DDHD1: variants seen among roughly 807,000 people sequenced by gnomAD.
The protein encoded by DDHD1 is DDHD domain containing 1, also known as phospholipase DDHD1.
In DDHD1, 49 loss-of-function variants were observed where a neutral mutation model predicts 96.4. The observed-to-expected ratio is 0.51, with a 90% CI of 0.40 to 0.64. The LOEUF (loss-of-function observed/expected upper bound fraction) is 0.64, where lower values mean the gene tolerates loss of function less well. Among genes scored for constraint, DDHD1 ranks in the 30% least tolerant of loss-of-function variants. The pLI is 0.00. For missense variants in DDHD1, 1,106 were observed against 1,161.2 expected, an observed-to-expected ratio of 0.95 and a Z score of 0.69; for synonymous variants, 442 against 446.5, an observed-to-expected ratio of 0.99 and a Z score of 0.13.
intron 1 of DDHD1, among the ~76,000 whole-genome samples, chr14:53,112,735 A>G (rs1358778043): frequency 2.6e-5 from 4 of 152,164 alleles, no homozygotes; most frequent in Admixed American, 2.6e-4. Flanking sequence ...TCTTTACAGC[A>G]TCTATCATCT....
rs772305129 is a variant in DDHD1 at position 53,046,425 on chromosome 14, TTAATACA to T, written c.*336_*342del. 67 of 162,412 alleles carry T rather than the reference TTAATACA, an allele frequency of 4.1e-4. 1 individual carries two copies. The highest frequency in any genetic ancestry group is 1.6e-3 in the South Asian group (8 of 4,950). 10.1% of individuals were successfully genotyped at this position (162,412 alleles called of 1,614,324 possible). On this transcript the variant is annotated 3_prime_UTR_variant, in exon 13 of 13. Transcript: ENST00000673822. ...ATTTTTGATTTATAACATACTTTGG[TTAATACA>T]TTATGTTCCATATGCCTTTATATTT... is the stretch of plus-strand genomic sequence containing the variant.
chr14:53,152,053 C>A (rs1487656565), intron 1 of DDHD1, among the ~76,000 whole-genome samples: 1 of 152,194 alleles, frequency 6.6e-6, no homozygotes, highest in Admixed American at 6.5e-5. Flanking sequence ...GGTATCCAGT[C>A]CTCCTGACCC....
At chr14:53,079,839 G>A (rs1433593796) in intron 4 of DDHD1, among the ~76,000 whole-genome samples, 1 of 152,108 alleles carries the variant, frequency 6.6e-6, no homozygotes, top group Non-Finnish European at 1.5e-5. Flanking sequence ...GCAATCAAAA[G>A]CCTTGTGCAT....
chr14:53,047,358 G>C (rs1882106142), intron 12 of DDHD1, among the ~76,000 whole-genome samples: 1 of 152,172 alleles, frequency 6.6e-6, no homozygotes, highest in African/African-American at 2.4e-5. Context: ...CCGTGGGAGT[G>C]CAAGAGATCA....
At chr14:53,113,213 C>T (rs1888244597) in intron 1 of DDHD1, among the ~76,000 whole-genome samples, 1 of 151,902 alleles carries the variant, frequency 6.6e-6, no homozygotes. Flanking sequence ...AGTGATCTGC[C>T]TGCTTCGGCC....
intron 12 of DDHD1, chr14:53,049,057 G>C (rs948071054): frequency 1.3e-5 from 2 of 152,100 alleles, no homozygotes; most frequent in Admixed American, 6.5e-5. Flanking sequence ...GTGTTATTTG[G>C]CTCCACTTTG....
At chr14:53,134,729 A>C (rs1890106914) in intron 1 of DDHD1, among the ~76,000 whole-genome samples, 1 of 152,124 alleles carries the variant, frequency 6.6e-6, no homozygotes, top group Non-Finnish European at 1.5e-5. Context: ...CAACCAAATA[A>C]TTATGCTGAA....
chr14:53,137,951 G>T (rs1335062342), intron 1 of DDHD1, among the ~76,000 whole-genome samples: 1 of 152,130 alleles, frequency 6.6e-6, no homozygotes, highest in Non-Finnish European at 1.5e-5. Context: ...AGATAAAAAC[G>T]ATAGCAAACT....
chr14:53,052,862 T>A (rs1262851727), intron 11 of DDHD1: 2 of 151,984 alleles, frequency 1.3e-5, no homozygotes, highest in Non-Finnish European at 2.9e-5. Context: ...TAGTATGTAT[T>A]TTGTTAAGCT....
At chr14:53,123,968 A>C (rs1822530215) in intron 1 of DDHD1, among the ~76,000 whole-genome samples, 1 of 151,900 alleles carries the variant, frequency 6.6e-6, no homozygotes, top group African/African-American at 2.4e-5. Flanking sequence ...ATGGTGGCTC[A>C]TGCCTGTAAT....
intron 12 of DDHD1, among the ~76,000 whole-genome samples, chr14:53,049,531 T>C (rs1178119649): frequency 6.6e-6 from 1 of 152,130 alleles, no homozygotes; most frequent in Non-Finnish European, 1.5e-5. Context: ...GATCAGCTCT[T>C]GGCCAAAGTA....
chr14:53,111,553 C>T (rs1888106995), intron 1 of DDHD1, among the ~76,000 whole-genome samples: 1 of 152,066 alleles, frequency 6.6e-6, no homozygotes, highest in Admixed American at 6.6e-5. Context: ...TTTTCCTGTA[C>T]AGGTCATGCA....
intron 4 of DDHD1, among the ~76,000 whole-genome samples, chr14:53,080,179 G>A (rs1885338062): frequency 6.6e-6 from 1 of 152,148 alleles, no homozygotes; most frequent in African/African-American, 2.4e-5. Context: ...GGCCAACATG[G>A]TGAAATCCCA....
rs1189657030 is a variant in DDHD1, at chr14:53,055,664, T to C, written c.2241A>G (p.Ile747Met). Residue 747 changes from isoleucine to methionine, a missense_variant, in exon 10 of 13, where the codon ATA becomes ATG. Physicochemically the swap from Ile to Met is conservative, Grantham distance 10 (BLOSUM62 1). Around this residue, in one of 2 missense-constraint regions of DDHD1, gnomAD observed 650 missense variants for 758.8 expected, o/e 0.86. Transcript: ENST00000673822. ...GGAATACATAAGAGAAATTACCTAA[T>C]ATGCTTGCTTTGCCTATATTTGTTA... ...ESITNIGKAS[I>M]LGAASIGKGL... 1 of 1,613,864 alleles carries C rather than the reference T, an allele frequency of 6.2e-7. No individual in the cohort carries two copies. Among genetic ancestry groups the C allele is most frequent in the African/African-American group, 1.3e-5 (1 of 74,932 alleles).
chr14:53,047,098 G>T, intron 12 of DDHD1, 149 bp from the exon 13 acceptor site: 1 of 551,482 alleles, frequency 1.8e-6, no homozygotes. Context: ...CATCTTAAGA[G>T]AAAAACACTC....
chr14:53,081,367 A>G (rs1885453958), intron 4 of DDHD1, among the ~76,000 whole-genome samples: 1 of 152,230 alleles, frequency 6.6e-6, no homozygotes, highest in Admixed American at 6.5e-5. Flanking sequence ...CACTCATTCA[A>G]TTTTGATGGC....
rs1359470453 is a variant in DDHD1 at position 53,087,960 on chromosome 14, A to G, written c.1289+3825T>C. ...AAAAGAGAAGAATCAAATAGATGCA[A>G]TAAAAAACGATAAAAAGATTATCAC... On this transcript the variant is annotated intron_variant, in intron 4 of 12. Transcript: ENST00000673822. 2.0e-5 allele frequency among the ~76,000 whole-genome samples: 3 copies of G among 152,254 alleles called. No individual in the cohort carries two copies. In the East Asian group the frequency reaches 5.8e-4, roughly 29 times the overall value.
intron 6 of DDHD1, among the ~76,000 whole-genome samples, chr14:53,065,080 A>C (rs1406685395): frequency 6.6e-6 from 1 of 152,192 alleles, no homozygotes; most frequent in African/African-American, 2.4e-5. Context: ...AATATGATCT[A>C]ATCAACTCAA....
chr14:53,148,389 T>C (rs8019863), intron 1 of DDHD1, among the ~76,000 whole-genome samples: 111,375 of 151,780 alleles, frequency 0.73, 43,602 homozygotes, highest in East Asian at 0.96. Context: ...TTCGCCTCAC[T>C]GCAACCACTG....
Sources: allele counts gnomAD v4.1 joint callset (sites outside exome capture counted in the v4.1 genomes callset), GRCh38; gene constraint gnomAD v4.1.1; regional missense constraint gnomAD v4.1.1; transcripts MANE v1.5; gene names NCBI Gene and HGNC (gene_info 2026-07-23, HGNC 2026-07-21).